The following SORCS1 variants were observed in gnomAD, a reference collection of about 807,000 sequenced individuals.
SORCS1 encodes the protein VPS10 domain-containing receptor SorCS1.
A neutral mutation model predicts 146.1 loss-of-function variants in SORCS1; 60 were observed. The observed-to-expected ratio is 0.41, with a 90% CI of 0.33 to 0.51. The LOEUF (loss-of-function observed/expected upper bound fraction) is 0.51, where lower values mean the gene tolerates loss of function less well. Among genes scored for constraint, SORCS1 ranks in the 20% least tolerant of loss-of-function variants. The pLI is 0.21. For missense variants in SORCS1, 1,352 were observed against 1,487.6 expected, an observed-to-expected ratio of 0.91 and a Z score of 1.50; for synonymous variants, 637 against 584.0, an observed-to-expected ratio of 1.09 and a Z score of -1.31.
At chr10:106,796,199 A>T (rs1404554683) in intron 3 of SORCS1, among the ~76,000 whole-genome samples, 4 of 152,162 alleles carry the variant, frequency 2.6e-5, no homozygotes, top group African/African-American at 9.7e-5. Context: ...AAATGTCTGC[A>T]CTGCTTCTTT....
At chr10:106,807,297 C>T (rs1353348661) in intron 3 of SORCS1, among the ~76,000 whole-genome samples, 1 of 152,128 alleles carries the variant, frequency 6.6e-6, no homozygotes, top group African/African-American at 2.4e-5. Flanking sequence ...AGACAGAGAC[C>T]ACATAGCAGC....
At chr10:106,908,462 C>T (rs1030521882) in intron 2 of SORCS1, among the ~76,000 whole-genome samples, 3 of 152,150 alleles carry the variant, frequency 2.0e-5, no homozygotes, top group Non-Finnish European at 2.9e-5. Context: ...TTCTAATGAG[C>T]ATTTTTGTCC....
intron 1 of SORCS1, among the ~76,000 whole-genome samples, chr10:106,993,481 A>G (rs1023229970): frequency 2.6e-5 from 4 of 152,252 alleles, no homozygotes; most frequent in African/African-American, 9.6e-5. Context: ...CACAAAGGAC[A>G]TGATAGAGGC....
Position 106,872,262 on chromosome 10 carries a change from A to G in SORCS1, c.627-42589T>C, listed in dbSNP as rs1357725345. On this transcript the variant is annotated intron_variant, in intron 2 of 25. Transcript: ENST00000263054. ...TGAATGACATAATTGGGCCAGGTGC[A>G]TGTGTTGAGGAAGTATATAAGAGGC... is the stretch of plus-strand genomic sequence containing the variant. 2.0e-5 allele frequency among the ~76,000 whole-genome samples: 3 copies of G among 152,220 alleles called. No individual in the cohort carries two copies. The South Asian group carries it at 6.2e-4, about 31-fold the overall frequency.
upstream of SORCS1, among the ~76,000 whole-genome samples, chr10:107,165,897 A>G (rs1411828586): frequency 6.6e-6 from 1 of 152,174 alleles, no homozygotes; most frequent in African/African-American, 2.4e-5. This position sits in a 1 kb window ranked among gnomAD's most constrained non-coding sequence, Gnocchi z 4.0. Context: ...AAAATTCTAT[A>G]ATTGTATGAT....
At chr10:107,019,333 G>T (rs544791151) in intron 1 of SORCS1, among the ~76,000 whole-genome samples, 1 of 152,276 alleles carries the variant, frequency 6.6e-6, no homozygotes, top group African/African-American at 2.4e-5. Context: ...GCTGAGTAAA[G>T]GTTGAGTAGT....
Position 106,641,636 on chromosome 10 carries a change from T to A in SORCS1, c.2475+10746A>T, listed in dbSNP as rs371535311. Among the ~76,000 whole-genome samples the A allele has an allele frequency of 3.3e-5, 5 of 152,322 alleles. No homozygotes were observed. The East Asian group carries it at 7.7e-4, about 24-fold the overall frequency. ...TTGGGGAAGGCTATCCAAATCCACA[T>A]ACATTTATTGAGTTTCTATCAATAT... On this transcript the variant is annotated intron_variant, in intron 18 of 25. Coordinates refer to ENST00000263054, the MANE Select transcript of SORCS1 (RefSeq NM_052918.5).
chr10:107,075,438 A>G (rs2134205335), intron 1 of SORCS1, among the ~76,000 whole-genome samples: 1 of 152,232 alleles, frequency 6.6e-6, no homozygotes, highest in African/African-American at 2.4e-5. Context: ...GTTGACATCA[A>G]CACTTTCATT....
intron 2 of SORCS1, among the ~76,000 whole-genome samples, chr10:106,937,766 C>T (rs941379977): frequency 6.6e-5 from 10 of 151,968 alleles, no homozygotes; most frequent in African/African-American, 2.4e-4. Context: ...GAGTTTGTGA[C>T]CAGCCTGGCC....
chr10:106,599,319 G>C (rs1305327187), intron 23 of SORCS1, among the ~76,000 whole-genome samples: 1 of 150,022 alleles, frequency 6.7e-6, no homozygotes, highest in Non-Finnish European at 1.5e-5. Flanking sequence ...AGTGAGCCAA[G>C]ATCATGCCAC....
intron 2 of SORCS1, among the ~76,000 whole-genome samples, chr10:106,910,191 T>C (rs1053152798): frequency 1.3e-5 from 2 of 152,162 alleles, no homozygotes; most frequent in Admixed American, 6.6e-5. Context: ...AAGTAGTTGA[T>C]AACTGGGCTC....
chr10:107,006,847 C>A (rs1449836082), intron 1 of SORCS1, among the ~76,000 whole-genome samples: 1 of 152,156 alleles, frequency 6.6e-6, no homozygotes, highest in African/African-American at 2.4e-5. Flanking sequence ...TTTCATAGTA[C>A]CTCCCACAGA....
intron 2 of SORCS1, among the ~76,000 whole-genome samples, chr10:106,877,262 C>A (rs530345070): frequency 6.6e-6 from 1 of 152,276 alleles, no homozygotes; most frequent in Admixed American, 6.5e-5. Flanking sequence ...CATCAGTCTA[C>A]TTTTGAACAA....
At chr10:106,600,804 G>A (rs1003686048) in intron 23 of SORCS1, 2 of 690,832 alleles carry the variant, frequency 2.9e-6, no homozygotes, top group Non-Finnish European at 3.6e-6. Flanking sequence ...CCTAATCCTA[G>A]GGTATCTCCA....
At chr10:106,748,630 T>C (rs947839089) in intron 5 of SORCS1, among the ~76,000 whole-genome samples, 1 of 152,114 alleles carries the variant, frequency 6.6e-6, no homozygotes, top group Non-Finnish European at 1.5e-5. Context: ...TGCTGATACA[T>C]AAAATAATAA....
intron 1 of SORCS1, among the ~76,000 whole-genome samples, chr10:107,026,932 T>G (rs1458063407): frequency 6.6e-6 from 1 of 151,554 alleles, no homozygotes; most frequent in Non-Finnish European, 1.5e-5. Flanking sequence ...TTAAAGGGAC[T>G]CTCTAATGCG....
At chr10:106,954,788 C>T (rs890512766) in intron 2 of SORCS1, among the ~76,000 whole-genome samples, 42 of 152,062 alleles carry the variant, frequency 2.8e-4, no homozygotes, top group African/African-American at 9.9e-4. Context: ...CATTTTGAGC[C>T]TATAAAAACC....
rs1177005289 is a variant in SORCS1, at chr10:107,148,420, AAAT to A, written c.558+15546_558+15548del. ...CCATGTTCCAGTAAGATTTTATATC[AAAT>A]AATTTTCACATGTCATGAAATACCA... On this transcript the variant is annotated intron_variant, in intron 1 of 25. Coordinates refer to ENST00000263054, the MANE Select transcript of SORCS1 (RefSeq NM_052918.5). 2.6e-5 allele frequency among the ~76,000 whole-genome samples: 4 copies of A among 152,332 alleles called. No homozygotes were observed. The East Asian group carries it at 7.7e-4, about 29-fold the overall frequency.
chr10:106,780,521 T>C (rs1462771487), intron 3 of SORCS1, among the ~76,000 whole-genome samples: 1 of 152,202 alleles, frequency 6.6e-6, no homozygotes, highest in Non-Finnish European at 1.5e-5. Context: ...GCTTGTTCCA[T>C]AGTAGGTCCA....
Sources: allele counts gnomAD v4.1 joint callset (sites outside exome capture counted in the v4.1 genomes callset), GRCh38; gene constraint gnomAD v4.1.1; non-coding constraint Gnocchi (gnomAD v3.1); transcripts MANE v1.5; gene names NCBI Gene and HGNC (gene_info 2026-07-23, HGNC 2026-07-21).